TUSC3: variants seen among roughly 807,000 people sequenced by gnomAD.
TUSC3 encodes the protein tumor suppressor candidate 3.
A neutral mutation model predicts 44.8 loss-of-function variants in TUSC3; 45 were observed. The observed-to-expected ratio is 1.00, with a 90% CI of 0.79 to 1.29. The LOEUF (loss-of-function observed/expected upper bound fraction) is 1.29. Ranked by LOEUF, TUSC3 falls within the 50% of genes most tolerant of loss-of-function variation. The probability of loss-of-function intolerance (pLI) is 0.00; values close to 1 mark genes in which losing one functional copy is unlikely to be tolerated. For synonymous variants in TUSC3, 212 were observed against 152.9 expected (o/e 1.39, Z -2.85); for missense variants, 519 against 437.9 (o/e 1.19, Z -1.65).
At chr8:15,654,426 A>G (rs1407406136) in intron 3 of TUSC3, among the ~76,000 whole-genome samples, 1 of 152,190 alleles carries the variant, frequency 6.6e-6, no homozygotes, top group Non-Finnish European at 1.5e-5. Flanking sequence ...CCTGATGTAC[A>G]GGGCCATATC....
intron 1 of TUSC3, among the ~76,000 whole-genome samples, chr8:15,607,199 C>G (rs1804567750): frequency 6.6e-6 from 1 of 151,994 alleles, no homozygotes; most frequent in Non-Finnish European, 1.5e-5. Flanking sequence ...TGTGTTAATT[C>G]TATTTCTGTA....
At chr8:15,619,017 A>G (rs1271460371) in intron 1 of TUSC3, among the ~76,000 whole-genome samples, 1 of 152,206 alleles carries the variant, frequency 6.6e-6, no homozygotes, top group African/African-American at 2.4e-5. Context: ...ACCACTAGTC[A>G]CAAGTCGGAA....
chr8:15,440,703 C>T (rs1257448430), intron 1 of TUSC3, among the ~76,000 whole-genome samples: 1 of 152,194 alleles, frequency 6.6e-6, no homozygotes, highest in Non-Finnish European at 1.5e-5. Flanking sequence ...CTGGTTTGTG[C>T]ATGTCAGTGT....
chr8:15,794,705 G>A, the TUSC3 span, among the ~76,000 whole-genome samples: 5 of 33,902 alleles, frequency 1.5e-4, no homozygotes, highest in African/African-American at 5.0e-4. Flanking sequence ...CATTATAGGA[G>A]AGGAAGCCTA....
chr8:15,649,734 A>G (rs990574232), intron 2 of TUSC3, among the ~76,000 whole-genome samples: 1 of 152,128 alleles, frequency 6.6e-6, no homozygotes, highest in Non-Finnish European at 1.5e-5. Flanking sequence ...CTTCCTCTCA[A>G]AACTTTTCAC....
intron 1 of TUSC3, among the ~76,000 whole-genome samples, chr8:15,436,985 A>G (rs113042780): frequency 3.3e-5 from 5 of 152,332 alleles, no homozygotes; most frequent in African/African-American, 1.2e-4. Flanking sequence ...ATAGTACACA[A>G]CTGGCTATTT....
chr8:15,690,516 T>C (rs947361364), intron 6 of TUSC3, among the ~76,000 whole-genome samples: 1 of 152,182 alleles, frequency 6.6e-6, no homozygotes, highest in African/African-American at 2.4e-5. Context: ...TATGTCCCAT[T>C]TGCCAATTTT....
At chr8:15,699,010 C>T (rs76548680) in intron 6 of TUSC3, among the ~76,000 whole-genome samples, 1 of 151,996 alleles carries the variant, frequency 6.6e-6, no homozygotes, top group East Asian at 1.9e-4. Flanking sequence ...CTGCACCCAA[C>T]TAATTTTTAA....
intron 6 of TUSC3, among the ~76,000 whole-genome samples, chr8:15,729,271 T>G (rs1810619296): frequency 6.6e-6 from 1 of 152,192 alleles, no homozygotes; most frequent in Admixed American, 6.5e-5. Flanking sequence ...TTACAAAGTT[T>G]TACTTGACGT....
intron 7 of TUSC3, chr8:15,733,772 C>T (rs896828902): frequency 6.5e-6 from 1 of 153,106 alleles, no homozygotes; most frequent in Non-Finnish European, 1.5e-5. Flanking sequence ...TAAAAGAAGT[C>T]CAGGCACAGT....
At chr8:15,646,031 A>T (rs1343266410) in intron 2 of TUSC3, among the ~76,000 whole-genome samples, 1 of 152,102 alleles carries the variant, frequency 6.6e-6, no homozygotes, top group Non-Finnish European at 1.5e-5. Flanking sequence ...TCTGTACTAG[A>T]TCCTAGCCAT....
chr8:15,731,999 G>A (rs529278785), intron 7 of TUSC3, among the ~76,000 whole-genome samples: 3 of 152,220 alleles, frequency 2.0e-5, no homozygotes, highest in African/African-American at 7.2e-5. Flanking sequence ...AGACTTCCTC[G>A]TTTGTAAAAT....
At chr8:15,588,151 TA>T (rs1232805108) in intron 1 of TUSC3, among the ~76,000 whole-genome samples, 1 of 152,118 alleles carries the variant, frequency 6.6e-6, no homozygotes, top group Non-Finnish European at 1.5e-5. Flanking sequence ...CTGTTAACCA[TA>T]ATGGGGGTAA....
chr8:15,797,128 T>C, the TUSC3 span, among the ~76,000 whole-genome samples: 1 of 152,170 alleles, frequency 6.6e-6, no homozygotes, highest in African/African-American at 2.4e-5. Flanking sequence ...AGGCACAAAG[T>C]AGCAAATCAC....
chr8:15,552,479 G>A (rs1802092058), intron 1 of TUSC3, among the ~76,000 whole-genome samples: 2 of 151,788 alleles, frequency 1.3e-5, no homozygotes, highest in South Asian at 4.2e-4. Context: ...GAAATAATGG[G>A]CGCTATACTA....
rs1039036518 is a variant in TUSC3, at chr8:15,436,826, G to T, written n.91+19521G>T. Among the ~76,000 whole-genome samples, 3 of 152,148 alleles carry T rather than the reference G, an allele frequency of 2.0e-5. No homozygotes were observed. The East Asian group carries it at 5.8e-4, about 29-fold the overall frequency. ...TAAAAATACAGAGGTTAACTCATAA[G>T]CCTGTGTATAGGAAGAGGCACAGTC... On this transcript the variant is annotated intron_variant and non_coding_transcript_variant, in intron 1 of 5. Transcript: ENST00000503191.
At chr8:15,648,049 G>C (rs1225295871) in intron 2 of TUSC3, among the ~76,000 whole-genome samples, 2 of 152,038 alleles carry the variant, frequency 1.3e-5, no homozygotes, top group East Asian at 3.9e-4. Flanking sequence ...TCCTTTAATT[G>C]TATTGTTTAC....
At chr8:15,675,057 C>T (rs913781271) in intron 6 of TUSC3, among the ~76,000 whole-genome samples, 4 of 151,934 alleles carry the variant, frequency 2.6e-5, no homozygotes, top group Admixed American at 6.6e-5. Context: ...TGTCACCTTA[C>T]AGTATGCTAC....
At chr8:15,716,529 A>G (rs1190425021) in intron 6 of TUSC3, among the ~76,000 whole-genome samples, 1 of 152,164 alleles carries the variant, frequency 6.6e-6, no homozygotes, top group African/African-American at 2.4e-5. Context: ...GTAAGTGTGT[A>G]TAAGTATGTG....
Sources: allele counts gnomAD v4.1 joint callset (sites outside exome capture counted in the v4.1 genomes callset), GRCh38; gene constraint gnomAD v4.1.1; transcripts MANE v1.5; gene names NCBI Gene and HGNC (gene_info 2026-07-23, HGNC 2026-07-21).